The following FHIT variants were observed in gnomAD, a reference collection of about 807,000 sequenced individuals.
FHIT encodes fragile histidine triad diadenosine triphosphatase.
A neutral mutation model predicts 17.9 loss-of-function variants in FHIT; 19 were observed. That is an observed-to-expected ratio of 1.06 (90% confidence interval 0.74 to 1.56). The LOEUF is 1.56. Ranked by LOEUF, FHIT falls within the 40% of genes most tolerant of loss-of-function variation. The pLI is 0.00. For synonymous variants in FHIT, 81 were observed against 69.7 expected (o/e 1.16, Z -0.81); for missense variants, 248 against 189.2 (o/e 1.31, Z -1.82).
chr3:60,088,276 G>T (rs187423191), intron 5 of FHIT, among the ~76,000 whole-genome samples: 11 of 152,222 alleles, frequency 7.2e-5, no homozygotes, highest in Admixed American at 2.0e-4. Flanking sequence ...CCAATACTGG[G>T]GATCAAATTT....
intron 8 of FHIT, among the ~76,000 whole-genome samples, chr3:59,892,727 A>G (rs1703908291): frequency 6.6e-6 from 1 of 152,220 alleles, no homozygotes; most frequent in African/African-American, 2.4e-5. Context: ...GTATGTCATA[A>G]AAATATAATT....
At chr3:60,283,648 T>C (rs1038512385) in intron 5 of FHIT, among the ~76,000 whole-genome samples, 5 of 152,148 alleles carry the variant, frequency 3.3e-5, no homozygotes, top group Admixed American at 6.5e-5. Context: ...TAAGTCTGCA[T>C]CCTGTCAGTA....
At chr3:60,104,656 C>T (rs1272829709) in intron 5 of FHIT, among the ~76,000 whole-genome samples, 1 of 151,938 alleles carries the variant, frequency 6.6e-6, no homozygotes, top group Non-Finnish European at 1.5e-5. Context: ...AAGCAAAATT[C>T]AATTAATGGC....
rs558905305 is a variant in FHIT at position 61,149,254 on chromosome 3, G to A, written c.-164+51363C>T. Among the ~76,000 whole-genome samples, 4 of 152,248 alleles carry A rather than the reference G, an allele frequency of 2.6e-5. No individual in the cohort carries two copies. The South Asian group carries it at 6.2e-4, about 24-fold the overall frequency. On this transcript the variant is annotated intron_variant, in intron 2 of 9. Coordinates refer to ENST00000492590, the MANE Select transcript of FHIT (RefSeq NM_002012.4). ...ACATCTACCCCATGCCAGGGGAAAA[G>A]AAGAGAAGGGTTTACTTTGGGTACA... is the stretch of plus-strand genomic sequence containing the variant.
chr3:60,037,666 G>C (rs1701275597), intron 5 of FHIT, among the ~76,000 whole-genome samples: 1 of 151,386 alleles, frequency 6.6e-6, no homozygotes, highest in South Asian at 2.1e-4. Context: ...ACAGGCATGA[G>C]CCACTGCACC....
At chr3:60,658,870 C>A (rs781808511) in intron 4 of FHIT, among the ~76,000 whole-genome samples, 16 of 151,904 alleles carry the variant, frequency 1.1e-4, no homozygotes, top group Middle Eastern at 6.9e-3. Context: ...AACTAAGATT[C>A]AAGTTACTAT....
intron 4 of FHIT, among the ~76,000 whole-genome samples, chr3:60,630,951 A>C (rs1200929100): frequency 1.8e-5 from 2 of 111,396 alleles, no homozygotes; most frequent in African/African-American, 3.2e-5. Context: ...AAAAAAAAAA[A>C]AAAAACACAC....
chr3:61,222,401 T>C (rs2039863172), intron 1 of FHIT, among the ~76,000 whole-genome samples: 1 of 152,142 alleles, frequency 6.6e-6, no homozygotes, highest in African/African-American at 2.4e-5. Flanking sequence ...TTCAACAAAA[T>C]ATTGGTAGAG....
intron 7 of FHIT, among the ~76,000 whole-genome samples, chr3:59,946,447 T>A (rs1403571590): frequency 1.3e-5 from 2 of 152,342 alleles, no homozygotes; most frequent in East Asian, 3.9e-4. Flanking sequence ...TTCCCAGGCA[T>A]AAAATCATAT....
At chr3:60,047,603 T>C (rs1381624215) in intron 5 of FHIT, among the ~76,000 whole-genome samples, 4 of 152,206 alleles carry the variant, frequency 2.6e-5, no homozygotes, top group Non-Finnish European at 4.4e-5. Context: ...CTCAGGTGCA[T>C]TAGGCATATG....
intron 2 of FHIT, among the ~76,000 whole-genome samples, chr3:61,137,013 A>C (rs377702694): frequency 2.2e-4 from 33 of 152,302 alleles, no homozygotes; most frequent in African/African-American, 7.9e-4. Context: ...ACTGCATTTA[A>C]TGTTGTCAGA....
chr3:59,857,700 G>C (rs1702216904), intron 8 of FHIT, among the ~76,000 whole-genome samples: 1 of 72,650 alleles, frequency 1.4e-5, no homozygotes, highest in Non-Finnish European at 2.6e-5. Context: ...TGTGCAAAGT[G>C]CTGGGTTTTT....
chr3:60,233,820 G>T (rs1425077424), intron 5 of FHIT, among the ~76,000 whole-genome samples: 6 of 152,036 alleles, frequency 3.9e-5, no homozygotes, highest in African/African-American at 1.4e-4. Context: ...TTTTATGAAG[G>T]GGAGTCCCCC....
intron 5 of FHIT, among the ~76,000 whole-genome samples, chr3:60,301,476 A>G (rs1292457896): frequency 6.6e-6 from 1 of 152,118 alleles, no homozygotes; most frequent in African/African-American, 2.4e-5. Context: ...CAACCCATAC[A>G]CATAAACTCT....
chr3:60,437,953 C>A (rs12630039), intron 5 of FHIT, among the ~76,000 whole-genome samples: 10,349 of 152,074 alleles, frequency 0.068, 831 homozygotes, highest in East Asian at 0.38. Context: ...TGGTAATTTA[C>A]ATTTTTTAAA....
chr3:59,953,422 T>C (rs905142453), intron 7 of FHIT, among the ~76,000 whole-genome samples: 8 of 152,034 alleles, frequency 5.3e-5, no homozygotes, highest in Non-Finnish European at 1.0e-4. Context: ...ACACTTAGAG[T>C]TGACCCATTT....
At chr3:60,050,500 A>T (rs1023926788) in intron 5 of FHIT, among the ~76,000 whole-genome samples, 8 of 152,174 alleles carry the variant, frequency 5.3e-5, no homozygotes, top group African/African-American at 1.9e-4. Flanking sequence ...GAGAATCTGA[A>T]CAAAACTGAA....
intron 8 of FHIT, among the ~76,000 whole-genome samples, chr3:59,797,155 A>G (rs1288705932): frequency 3.3e-5 from 5 of 152,106 alleles, no homozygotes; most frequent in Non-Finnish European, 7.3e-5. Flanking sequence ...GTTTAATATT[A>G]TAAGTCACCA....
At chr3:59,986,529 A>ATTTATATTTATACATT (rs1559523562) in intron 7 of FHIT, among the ~76,000 whole-genome samples, 248 of 4,494 alleles carry the variant, frequency 0.055, 6 homozygotes, top group South Asian at 0.14. Context: ...ATATATATAT[A>ATTTATATTTATACATT]TATATATATA....
Sources: allele counts gnomAD v4.1 joint callset (sites outside exome capture counted in the v4.1 genomes callset), GRCh38; gene constraint gnomAD v4.1.1; transcripts MANE v1.5; gene names NCBI Gene and HGNC (gene_info 2026-07-23, HGNC 2026-07-21).